Variants in KIF25 observed in about 807,000 individuals in gnomAD.
KIF25 encodes the protein kinesin-like protein KIF25.
A neutral mutation model predicts 32.9 loss-of-function variants in KIF25; 19 were observed. That is an observed-to-expected ratio of 0.58 (90% CI 0.40 to 0.85). KIF25 has a LOEUF of 0.85. Among genes scored for constraint, KIF25 ranks in the 40% least tolerant of loss-of-function variants. KIF25 has a pLI of 0.00. For synonymous variants in KIF25, 225 were observed against 213.7 expected (o/e 1.05, Z -0.46); for missense variants, 485 against 507.0 (o/e 0.96, Z 0.42).
chr6:168,032,858 G>A (rs1490010269), intron 7 of KIF25, among the ~76,000 whole-genome samples: 1 of 152,194 alleles, frequency 6.6e-6, no homozygotes, highest in Non-Finnish European at 1.5e-5. Flanking sequence ...ATCCTGCTCT[G>A]AGGCATGAAC....
At chr6:168,016,507 C>T (rs1798716207) in intron 4 of KIF25, among the ~76,000 whole-genome samples, 1 of 152,192 alleles carries the variant, frequency 6.6e-6, no homozygotes, top group African/African-American at 2.4e-5. Flanking sequence ...CACCCACTCT[C>T]CCAAAAGTCA....
chr6:168,042,198 CTA>C, intron 11 of KIF25, 47 bp downstream of exon 11: 2 of 1,516,876 alleles, frequency 1.3e-6, no homozygotes, highest in Non-Finnish European at 1.8e-6. Flanking sequence ...CTGCAGAAGC[CTA>C]TGATCTGATG....
At chr6:168,043,618 A>G (rs1799165235) in intron 12 of KIF25, among the ~76,000 whole-genome samples, 1 of 152,180 alleles carries the variant, frequency 6.6e-6, no homozygotes, top group African/African-American at 2.4e-5. Flanking sequence ...TTTAAGAGAG[A>G]GACCACCTGG....
At chr6:168,020,566 G>A (rs762963592) in intron 5 of KIF25, among the ~76,000 whole-genome samples, 1 of 152,056 alleles carries the variant, frequency 6.6e-6, no homozygotes, top group African/African-American at 2.4e-5. Context: ...AAATGCACGT[G>A]AGCAACAGTG....
rs766780665 is a variant in KIF25, at chr6:168,040,197, C to T, written c.627C>T (p.Ala209=). ...HLIITVTLTT[A]SCSDSTADQA... ...TAATTACGGTGACTCTAACCACAGCCTCCTGCTCTGACAGCACTGGTAAGT... is the reference window on the plus strand; with the variant it reads ...TAATTACGGTGACTCTAACCACAGCTTCCTGCTCTGACAGCACTGGTAAGT... Residue 209 remains alanine, a synonymous_variant, in exon 10 of 13, where the codon GCC becomes GCT. Coordinates refer to ENST00000643607, the MANE Select transcript of KIF25 (RefSeq NM_030615.4). 1 of 1,613,354 alleles carries T rather than the reference C, an allele frequency of 6.2e-7. No individual in the cohort carries two copies. The highest frequency in any genetic ancestry group is 2.2e-5 in the East Asian group (1 of 44,858).
In KIF25 at chr6:168,042,094, G is replaced by T. The variant is rs1199941052; in HGVS notation, c.772G>T (p.Ala258Ser). ...QLVPGNPAGH[A>S]EQVQARLQLV... ...GGTTCCTGGGAACCCCGCAGGGCAT[G>T]CGGAGCAGGTGCAGGCTCGACTACA... Residue 258 changes from alanine (A) to serine (S), a missense_variant, in exon 11 of 13, where the codon GCG becomes TCG. Coordinates refer to ENST00000643607, the MANE Select transcript of KIF25 (RefSeq NM_030615.4). 16 of 1,551,512 alleles carry T rather than the reference G, an allele frequency of 1.0e-5. No individual in the cohort carries two copies. Among genetic ancestry groups the T allele is most frequent in the Non-Finnish European group, 1.3e-5 (15 of 1,147,596 alleles).
intron 8 of KIF25, 113 bp downstream of exon 8, chr6:168,034,144 C>T (rs1358758557): frequency 9.3e-7 from 1 of 1,070,656 alleles, no homozygotes; most frequent in Non-Finnish European, 1.4e-6. Flanking sequence ...GTGATCAAAC[C>T]CCATAATCTC....
At position 168,042,147 on chromosome 6, in the gene KIF25, C is replaced by G; in HGVS notation, c.825C>G (p.Cys275Trp). ...LQLVDSAGSE[C>W]VGVSGVTGLA... ...TCGTGGACTCGGCCGGCAGCGAGTG[C>G]GTTGGTGAGCAGGGGCAGGCATTTC... Residue 275 changes from cysteine to tryptophan, a missense_variant, in exon 11 of 13, where the codon TGC (cysteine) becomes TGG (tryptophan). By Grantham distance (215) the Cys-to-Trp change is radical (BLOSUM62 -2). This residue lies in a region of KIF25 where 480 missense variants were observed against 470.3 expected (regional missense o/e 1.02). Transcript: ENST00000643607. 3 of 1,548,302 alleles carry G rather than the reference C, an allele frequency of 1.9e-6. No homozygotes were observed. The highest frequency in any genetic ancestry group is 2.6e-6 in the Non-Finnish European group (3 of 1,146,256).
At chr6:168,005,868 C>A (rs112787233) in intron 4 of KIF25, among the ~76,000 whole-genome samples, 1 of 152,218 alleles carries the variant, frequency 6.6e-6, no homozygotes, top group African/African-American at 2.4e-5. Flanking sequence ...TTGGCAACAG[C>A]CTCACAGCCA....
rs1490734691 is a variant in KIF25 at position 168,040,171 on chromosome 6, A to G, written c.601A>G (p.Ile201Val). The G allele has an allele frequency of 1.9e-6, 3 of 1,614,006 alleles. No homozygotes were observed. Among genetic ancestry groups the G allele is most frequent in the African/African-American group, 2.7e-5 (2 of 75,066 alleles). The change falls in exon 10 of 13, where the codon ATA (isoleucine) becomes GTA (valine). Residue 201 changes from isoleucine to valine, a missense_variant. Transcript: ENST00000643607. The stretch of plus-strand genomic sequence containing the variant: ...CGCGGATTCCTCCAGGTCTCACCTG[A>G]TAATTACGGTGACTCTAACCACAGC... ...VHADSSRSHL[I>V]ITVTLTTASC...
chr6:168,037,075 AATAAAT>A (rs1799035281), intron 8 of KIF25, among the ~76,000 whole-genome samples: 3 of 152,166 alleles, frequency 2.0e-5, no homozygotes, highest in Admixed American at 1.3e-4. Context: ...TAAATAAATA[AATAAAT>A]ATAAAGTAAA....
At chr6:168,018,238 C>G (rs1486998301) in intron 5 of KIF25, among the ~76,000 whole-genome samples, 198 bp downstream of exon 5, 2 of 152,180 alleles carry the variant, frequency 1.3e-5, no homozygotes, top group African/African-American at 2.4e-5. Context: ...GACACTATGT[C>G]TCGAGTGCCC....
chr6:168,017,937 A>C (rs933730708), intron 4 of KIF25, 36 bp from the exon 5 acceptor site: 2 of 152,564 alleles, frequency 1.3e-5, no homozygotes, highest in African/African-American at 4.8e-5. Flanking sequence ...CGCAGCACAC[A>C]AAGTCTTATG....
chr6:167,999,747 A>G (rs1411104828), intron 2 of KIF25, among the ~76,000 whole-genome samples: 1 of 152,238 alleles, frequency 6.6e-6, no homozygotes, highest in Admixed American at 6.5e-5. Context: ...TATTGACTCA[A>G]CTGATACTTT....
At chr6:168,025,506 C>T (rs116895683) in intron 5 of KIF25, among the ~76,000 whole-genome samples, 100 of 152,202 alleles carry the variant, frequency 6.6e-4, no homozygotes, top group Non-Finnish European at 1.0e-3. Flanking sequence ...ATGGCTGAAC[C>T]GTGTCAGCTG....
intron 6 of KIF25, 100 bp downstream of exon 6, chr6:168,029,777 G>A (rs1006753933): frequency 3.5e-6 from 5 of 1,438,652 alleles, no homozygotes; most frequent in Admixed American, 4.7e-5. Context: ...GTATCTTGGT[G>A]TATTTTCTGA....
chr6:168,040,574 AAG>A (rs61012292), intron 10 of KIF25, among the ~76,000 whole-genome samples: 2,514 of 147,404 alleles, frequency 0.017, 49 homozygotes, highest in East Asian at 0.07. Context: ...TAAAAAAAAA[AAG>A]AAGAAGAAGA....
intron 8 of KIF25, among the ~76,000 whole-genome samples, chr6:168,037,645 T>TTCTCTCTCTC (rs35282663): frequency 5.5e-5 from 8 of 146,758 alleles, no homozygotes; most frequent in African/African-American, 1.8e-4. Context: ...AAGGTTTTAT[T>TTCTCTCTCTC]TCTCTCTCTC....
intron 8 of KIF25, among the ~76,000 whole-genome samples, chr6:168,037,674 G>A (rs1406674492): frequency 6.6e-6 from 1 of 151,166 alleles, no homozygotes; most frequent in African/African-American, 2.5e-5. Context: ...TCTCTCTGTA[G>A]TATCTTTATT....
Sources: allele counts gnomAD v4.1 joint callset (sites outside exome capture counted in the v4.1 genomes callset), GRCh38; gene constraint gnomAD v4.1.1; regional missense constraint gnomAD v4.1.1; transcripts MANE v1.5; gene names NCBI Gene and HGNC (gene_info 2026-07-23, HGNC 2026-07-21).